Variants in CDH9 observed in about 807,000 individuals in gnomAD.
CDH9 encodes the protein cadherin 9.
A neutral mutation model predicts 70.9 loss-of-function variants in CDH9; 28 were observed. That is an observed-to-expected ratio of 0.40 (90% confidence interval 0.29 to 0.54). The LOEUF is 0.54. Ranked by LOEUF, CDH9 falls within the 20% of genes least tolerant of loss-of-function variation. The pLI, the probability that CDH9 is intolerant of heterozygous loss-of-function variation, is 0.59. For synonymous variants in CDH9, 409 were observed against 343.1 expected, an observed-to-expected ratio of 1.19 and a Z score of -2.12; for missense variants, 874 against 984.4, an observed-to-expected ratio of 0.89 and a Z score of 1.50.
At chr5:26,889,662 T>G (rs1167152336) in intron 9 of CDH9, among the ~76,000 whole-genome samples, 174 bp downstream of exon 9, 1 of 138,736 alleles carries the variant, frequency 7.2e-6, no homozygotes, top group Non-Finnish European at 1.6e-5. Flanking sequence ...ATAAAAACAT[T>G]TTTAAATCAC....
At chr5:26,890,818 T>G in intron 7 of CDH9, 1 of 353,502 alleles carries the variant, frequency 2.8e-6, no homozygotes, top group Non-Finnish European at 5.2e-6. Flanking sequence ...ATGGCAGCTG[T>G]TAAAGTGAGT....
intron 1 of CDH9, among the ~76,000 whole-genome samples, chr5:27,011,910 T>C (rs2112115960): frequency 6.6e-6 from 1 of 152,058 alleles, no homozygotes; most frequent in African/African-American, 2.4e-5. Context: ...AGATTTGTTA[T>C]AATAATAATA....
At chr5:26,956,461 G>C (rs1741948237) in intron 2 of CDH9, among the ~76,000 whole-genome samples, 1 of 152,178 alleles carries the variant, frequency 6.6e-6, no homozygotes, top group African/African-American at 2.4e-5. Flanking sequence ...GGAAAAGAAA[G>C]TACTTATCAT....
intron 4 of CDH9, 136 bp from the exon 5 acceptor site, chr5:26,906,262 T>A: frequency 1.5e-6 from 1 of 670,414 alleles, no homozygotes; most frequent in Non-Finnish European, 2.5e-6. Flanking sequence ...CTTCAATCCA[T>A]AACCACTTTA....
intron 1 of CDH9, among the ~76,000 whole-genome samples, chr5:27,035,537 A>C (rs1743376337): frequency 6.6e-6 from 1 of 151,782 alleles, no homozygotes; most frequent in African/African-American, 2.4e-5. Flanking sequence ...TATATTTAGC[A>C]TGCTTTCTTC....
At chr5:27,000,286 A>G (rs545331340) in intron 1 of CDH9, among the ~76,000 whole-genome samples, 5 of 152,316 alleles carry the variant, frequency 3.3e-5, no homozygotes, top group African/African-American at 1.2e-4. Context: ...TTTTGCAGTT[A>G]GTGAATTGCA....
At chr5:26,979,546 TTA>T (rs1448117906) in intron 2 of CDH9, among the ~76,000 whole-genome samples, 1 of 151,806 alleles carries the variant, frequency 6.6e-6, no homozygotes, top group Non-Finnish European at 1.5e-5. Context: ...AATAATGGCA[TTA>T]TATATGAATG....
intron 3 of CDH9, among the ~76,000 whole-genome samples, chr5:26,907,755 C>A (rs1024844446): frequency 1.4e-4 from 21 of 151,824 alleles, no homozygotes; most frequent in African/African-American, 4.8e-4. Context: ...CTAGGTTTGC[C>A]CTTGGACAAA....
At chr5:27,034,655 A>G (rs1046894703) in intron 1 of CDH9, among the ~76,000 whole-genome samples, 2 of 151,538 alleles carry the variant, frequency 1.3e-5, no homozygotes, top group Admixed American at 6.6e-5. Context: ...CTCATAGCCA[A>G]TGAGATCCAT....
chr5:26,974,981 T>C (rs1035856308), intron 2 of CDH9, among the ~76,000 whole-genome samples: 1 of 152,108 alleles, frequency 6.6e-6, no homozygotes, highest in African/African-American at 2.4e-5. Context: ...CCAACAGCTC[T>C]CCATTTTCCC....
intron 9 of CDH9, among the ~76,000 whole-genome samples, chr5:26,887,553 C>A (rs1740586115): frequency 6.6e-6 from 1 of 151,576 alleles, no homozygotes; most frequent in Admixed American, 6.6e-5. Flanking sequence ...CAGTAAAAGA[C>A]AAGCATACTG....
chr5:27,011,557 TGAGA>T (rs776844453), intron 1 of CDH9, among the ~76,000 whole-genome samples: 1 of 152,028 alleles, frequency 6.6e-6, no homozygotes, highest in South Asian at 2.1e-4. Context: ...CCTCCAGAAC[TGAGA>T]GAGAACACAT....
intron 3 of CDH9, 108 bp from the exon 4 acceptor site, chr5:26,906,946 T>C (rs1740959694): frequency 3.1e-5 from 41 of 1,332,998 alleles, no homozygotes; most frequent in Non-Finnish European, 4.0e-5. Context: ...GACGATGTTG[T>C]ATGTTTGAAG....
intron 2 of CDH9, among the ~76,000 whole-genome samples, chr5:26,977,881 T>G (rs889127490): frequency 2.0e-5 from 3 of 152,114 alleles, no homozygotes; most frequent in African/African-American, 4.8e-5. Flanking sequence ...GTAAACACTT[T>G]GGGGTTTTCA....
intron 3 of CDH9, among the ~76,000 whole-genome samples, chr5:26,913,645 T>C (rs1463214089): frequency 2.6e-5 from 4 of 152,146 alleles, no homozygotes; most frequent in Admixed American, 6.6e-5. Flanking sequence ...TACAGAAAGA[T>C]AGTTTGTACA....
intron 1 of CDH9, among the ~76,000 whole-genome samples, chr5:26,992,945 A>G (rs1383417681): frequency 6.6e-6 from 1 of 151,926 alleles, no homozygotes; most frequent in East Asian, 1.9e-4. Context: ...AAAAATACAA[A>G]ATTAGTCTGG....
At chr5:26,926,928 CA>C (rs750868451) in intron 2 of CDH9, among the ~76,000 whole-genome samples, 96 of 128,232 alleles carry the variant, frequency 7.5e-4, no homozygotes, top group Admixed American at 1.1e-3. Context: ...CCCCCCCCCG[CA>C]AAAAAAAAAG....
At chr5:26,964,308 G>A (rs1742090885) in intron 2 of CDH9, among the ~76,000 whole-genome samples, 1 of 152,022 alleles carries the variant, frequency 6.6e-6, no homozygotes, top group African/African-American at 2.4e-5. Context: ...CCACCAAAAA[G>A]AAACAGTTGT....
At chr5:26,998,607 C>A (rs984154310) in intron 1 of CDH9, among the ~76,000 whole-genome samples, 1 of 151,966 alleles carries the variant, frequency 6.6e-6, no homozygotes, top group Non-Finnish European at 1.5e-5. Flanking sequence ...GGAGGGATAG[C>A]ATTTGGAGAT....
Sources: allele counts gnomAD v4.1 joint callset (sites outside exome capture counted in the v4.1 genomes callset), GRCh38; gene constraint gnomAD v4.1.1; transcripts MANE v1.5; gene names NCBI Gene and HGNC (gene_info 2026-07-23, HGNC 2026-07-21).